Variants in CCDC192 observed in about 807,000 individuals in gnomAD.
CCDC192 encodes the protein coiled-coil domain-containing protein 192.
intron 3 of CCDC192, among the ~76,000 whole-genome samples, chr5:127,756,584 C>T (rs1754612564): frequency 6.6e-6 from 1 of 152,208 alleles, no homozygotes. Context: ...AAGCACTGAT[C>T]TTAAGCTTTA....
At chr5:127,911,377 C>T (rs1753341483) in intron 6 of CCDC192, among the ~76,000 whole-genome samples, 1 of 152,174 alleles carries the variant, frequency 6.6e-6, no homozygotes, top group South Asian at 2.1e-4. Context: ...GCTAAACCTG[C>T]TGTTGGTATA....
Position 127,876,308 on chromosome 5 carries a change from T to C in CCDC192, c.535+647T>C, listed in dbSNP as rs113789809. ...TTTTAGCAAGAATACTAGTTAACAA[T>C]TAATACAGTGCTATGGGCCAGGTAT... On this transcript the variant is annotated intron_variant, in intron 6 of 6. Transcript: ENST00000514853. Among the ~76,000 whole-genome samples the C allele has an allele frequency of 7.4e-4, 113 of 152,240 alleles. 3 individuals are homozygous for C. Among genetic ancestry groups the C allele is most frequent in the African/African-American group, 2.6e-3 (109 of 41,544 alleles).
intron 5 of CCDC192, among the ~76,000 whole-genome samples, chr5:127,852,753 T>G (rs2127087515): frequency 6.6e-6 from 1 of 152,304 alleles, no homozygotes; most frequent in Non-Finnish European, 1.5e-5. Context: ...AGTTACCCAT[T>G]ATTCTCTTTA....
intron 6 of CCDC192, among the ~76,000 whole-genome samples, chr5:127,885,082 C>T (rs1308474328): frequency 1.3e-5 from 2 of 149,920 alleles, no homozygotes; most frequent in Non-Finnish European, 3.0e-5. Context: ...TTCCTTCTGT[C>T]CATTCCTTAG....
At chr5:127,714,177 C>T (rs1010102946) in intron 2 of CCDC192, among the ~76,000 whole-genome samples, 19 of 152,130 alleles carry the variant, frequency 1.2e-4, no homozygotes, top group African/African-American at 4.1e-4. Flanking sequence ...CAATTTCAGT[C>T]TTTTTTGTGG....
At chr5:127,923,152 G>C (rs1753769669) in intron 6 of CCDC192, among the ~76,000 whole-genome samples, 1 of 152,182 alleles carries the variant, frequency 6.6e-6, no homozygotes, top group Non-Finnish European at 1.5e-5. Context: ...AAGCCAGTTA[G>C]AATTGGGCTT....
At chr5:127,808,292 G>A (rs1028762989) in intron 5 of CCDC192, among the ~76,000 whole-genome samples, 7 of 150,542 alleles carry the variant, frequency 4.6e-5, no homozygotes, top group African/African-American at 1.7e-4. Flanking sequence ...CATCTTTTGA[G>A]TTCTTATTTT....
intron 2 of CCDC192, among the ~76,000 whole-genome samples, chr5:127,743,366 C>G (rs796114232): frequency 6.6e-5 from 10 of 152,158 alleles, no homozygotes; most frequent in Admixed American, 6.6e-5. Context: ...CTAAATCATC[C>G]CTTCGTTTAA....
At chr5:127,797,948 TG>T (rs1423148383) in intron 4 of CCDC192, among the ~76,000 whole-genome samples, 157 bp from the exon 5 acceptor site, 1 of 151,648 alleles carries the variant, frequency 6.6e-6, no homozygotes, top group Non-Finnish European at 1.5e-5. Flanking sequence ...GAAATAGGAA[TG>T]GGGGGATGAT....
chr5:127,846,569 A>C (rs1750552043), intron 5 of CCDC192, among the ~76,000 whole-genome samples: 1 of 152,018 alleles, frequency 6.6e-6, no homozygotes, highest in Admixed American at 6.5e-5. Context: ...TCCCAGGTTC[A>C]AGCGATTCTC....
chr5:127,820,438 G>A (rs564243598), intron 5 of CCDC192, among the ~76,000 whole-genome samples: 2 of 152,212 alleles, frequency 1.3e-5, no homozygotes, highest in Admixed American at 6.5e-5. Flanking sequence ...AAAATGAACT[G>A]GGCATGGTGG....
chr5:127,775,347 T>C (rs1013470553), intron 3 of CCDC192, among the ~76,000 whole-genome samples: 4 of 152,226 alleles, frequency 2.6e-5, no homozygotes, highest in Non-Finnish European at 5.9e-5. Context: ...TTCCAGAGTT[T>C]GCTGAAATTT....
chr5:127,722,575 G>T (rs1176513576), intron 2 of CCDC192, among the ~76,000 whole-genome samples: 3 of 152,090 alleles, frequency 2.0e-5, no homozygotes, highest in Non-Finnish European at 2.9e-5. Flanking sequence ...TTTTCTTTTA[G>T]TAGTTTCATA....
At chr5:127,865,079 G>A (rs1399279866) in intron 5 of CCDC192, among the ~76,000 whole-genome samples, 6 of 152,184 alleles carry the variant, frequency 3.9e-5, no homozygotes, top group East Asian at 1.9e-4. Context: ...CCCGGGAGGC[G>A]GAGGTTGCAG....
intron 2 of CCDC192, among the ~76,000 whole-genome samples, chr5:127,724,221 C>A (rs552777850): frequency 6.6e-6 from 1 of 152,180 alleles, no homozygotes; most frequent in Non-Finnish European, 1.5e-5. Flanking sequence ...AATATAATAT[C>A]CTTCATATAT....
At chr5:127,865,713 A>G (rs1751579682) in intron 5 of CCDC192, among the ~76,000 whole-genome samples, 1 of 150,806 alleles carries the variant, frequency 6.6e-6, no homozygotes, top group South Asian at 2.1e-4. Flanking sequence ...CAGAATTGGG[A>G]GGGACTATAA....
intron 6 of CCDC192, among the ~76,000 whole-genome samples, chr5:127,939,407 G>A (rs762133158): frequency 8.6e-5 from 13 of 151,824 alleles, no homozygotes; most frequent in Non-Finnish European, 1.6e-4. Context: ...GTGAGCCACC[G>A]TGCCCCACCT....
intron 6 of CCDC192, chr5:127,935,137 A>G (rs1754152229): frequency 6.6e-6 from 1 of 152,236 alleles, no homozygotes; most frequent in African/African-American, 2.4e-5. Flanking sequence ...GTTTAGGCTA[A>G]TCCCAAATGC....
intron 5 of CCDC192, among the ~76,000 whole-genome samples, chr5:127,864,265 A>G (rs908100629): frequency 6.6e-6 from 1 of 152,158 alleles, no homozygotes; most frequent in African/African-American, 2.4e-5. Context: ...TTATTCCTAA[A>G]TTTTACATTC....
Sources: gnomAD v4.1 joint callset for allele counts (sites outside exome capture counted in the v4.1 genomes callset) on GRCh38, gnomAD v4.1.1 for gene constraint, MANE v1.5 for transcripts, NCBI Gene and HGNC (gene_info 2026-07-23, HGNC 2026-07-21) for gene names.